The following RYR3 variants were observed in gnomAD, a reference collection of about 807,000 sequenced individuals.
RYR3 encodes brain ryanodine receptor-calcium release channel.
In RYR3, 207 loss-of-function variants were observed where a neutral mutation model predicts 584.3. That is an observed-to-expected ratio of 0.35 (90% CI 0.32 to 0.40). The LOEUF (loss-of-function observed/expected upper bound fraction) is 0.40. Among genes scored for constraint, RYR3 ranks in the 10% least tolerant of loss-of-function variants. The pLI, the probability that RYR3 is intolerant of heterozygous loss-of-function variation, is 1.00. For missense variants in RYR3, 5,616 were observed against 6,089.2 expected, an observed-to-expected ratio of 0.92 and a Z score of 2.59; for synonymous variants, 2,416 against 2,248.5, an observed-to-expected ratio of 1.07 and a Z score of -2.11.
At chr15:33,421,846 GA>G in intron 1 of RYR3, among the ~76,000 whole-genome samples, 1 of 152,234 alleles carries the variant, frequency 6.6e-6, no homozygotes, top group African/African-American at 2.4e-5. Flanking sequence ...TGTAGAAGCA[GA>G]ACAAAGAAAA....
chr15:33,419,274 T>TA, intron 1 of RYR3, among the ~76,000 whole-genome samples: 1 of 152,242 alleles, frequency 6.6e-6, no homozygotes, highest in East Asian at 1.9e-4. Context: ...TTCTGCCTCT[T>TA]TTAGTAATAG....
chr15:33,813,713 T>C (rs2076664550), intron 74 of RYR3, 134 bp downstream of exon 74: 1 of 719,516 alleles, frequency 1.4e-6, no homozygotes, highest in East Asian at 2.7e-5. Flanking sequence ...TATTGCAGTC[T>C]GCATAGTATA....
chr15:33,826,324 C>A (rs2077378312), intron 83 of RYR3, 55 bp downstream of exon 83: 13 of 1,555,228 alleles, frequency 8.4e-6, no homozygotes, highest in Non-Finnish European at 1.2e-5. Context: ...TAGGAGATCT[C>A]ATTTAATTGC....
At chr15:33,631,044 T>A (rs1473724888) in intron 22 of RYR3, among the ~76,000 whole-genome samples, 166 bp from the exon 23 acceptor site, 2 of 152,188 alleles carry the variant, frequency 1.3e-5, no homozygotes, top group Non-Finnish European at 2.9e-5. Context: ...GACATATGGC[T>A]CACAAAGCCT....
Position 33,662,343 on chromosome 15 carries a change from G to A in RYR3, c.4813G>A (p.Gly1605Ser). The change falls in exon 35 of 104, where the codon GGT becomes AGT. Residue 1605 changes from glycine (G) to serine (S), a missense_variant. Gly to Ser is a moderately conservative substitution (Grantham distance 56, BLOSUM62 0). Around this residue, in one of 9 missense-constraint regions of RYR3, gnomAD observed 753 missense variants for 741.0 expected, o/e 1.02. Coordinates refer to ENST00000634891, the MANE Select transcript of RYR3 (RefSeq NM_001036.6). ...NKYLPGLLRS[G>S]FYDLLISIHL... is the part of the protein sequence containing the mutation. The stretch of plus-strand genomic sequence containing the variant: ...GTACCTCCCCGGCCTCCTTCGATCT[G>A]GTTTCTATGACCTGCTCATCAGCAT... 1 of 1,612,614 alleles carries A rather than the reference G, an allele frequency of 6.2e-7. No individual in the cohort carries two copies. Among genetic ancestry groups the A allele is most frequent in the Non-Finnish European group, 8.5e-7 (1 of 1,179,364 alleles).
At chr15:33,361,616 C>T (rs1198791457) in intron 1 of RYR3, among the ~76,000 whole-genome samples, 1 of 152,134 alleles carries the variant, frequency 6.6e-6, no homozygotes, top group Non-Finnish European at 1.5e-5. Context: ...AAAATAGGGG[C>T]TAAATAAGCA....
chr15:33,602,906 C>A (rs773424351), intron 17 of RYR3, among the ~76,000 whole-genome samples: 8 of 151,992 alleles, frequency 5.3e-5, no homozygotes, highest in Non-Finnish European at 1.2e-4. Flanking sequence ...CCACCATACC[C>A]AGCTAATTTT....
chr15:33,318,582 C>G (rs555669326), intron 1 of RYR3, among the ~76,000 whole-genome samples: 1 of 152,250 alleles, frequency 6.6e-6, no homozygotes, highest in African/African-American at 2.4e-5. Flanking sequence ...GCTTGGGGAA[C>G]CTTGAGTAGG....
At chr15:33,730,113 A>ATGAATAATCATTTG (rs1555429638) in intron 47 of RYR3, among the ~76,000 whole-genome samples, 1 of 151,170 alleles carries the variant, frequency 6.6e-6, no homozygotes, top group African/African-American at 2.4e-5. Flanking sequence ...ATGAATAATT[A>ATGAATAATCATTTG]TGAATAATTA....
chr15:33,662,492 G>A lies in RYR3; in HGVS notation c.4962G>A (p.Gly1654=). 6.2e-7 allele frequency: 1 copy of A among 1,614,042 alleles called. No individual in the cohort carries two copies. Among genetic ancestry groups the A allele is most frequent in the South Asian group, 1.1e-5 (1 of 91,084 alleles). ...PDESKRHGLP[G]VGLRTCLKPG... Reference sequence around the variant, plus strand: ...AGTCCAAGAGGCATGGACTGCCTGGGGTGGGCCTGAGAACATGTCTCAAGC... The same window carrying A: ...AGTCCAAGAGGCATGGACTGCCTGGAGTGGGCCTGAGAACATGTCTCAAGC... Residue 1654 remains glycine (G), a synonymous_variant, in exon 35 of 104, where the codon GGG becomes GGA. Transcript: ENST00000634891.
chr15:33,816,174 TTTTGTAAACAC>T (rs1397391776), intron 74 of RYR3, among the ~76,000 whole-genome samples: 1 of 152,206 alleles, frequency 6.6e-6, no homozygotes, highest in Non-Finnish European at 1.5e-5. Flanking sequence ...TGTCCTCACA[TTTTGTAAACAC>T]TTGGCTGCTT....
chr15:33,662,327 C>T lies in RYR3; in HGVS notation c.4797C>T (p.Pro1599=), dbSNP rs373312009. The T allele has an allele frequency of 1.8e-5, 29 of 1,611,814 alleles. No individual in the cohort carries two copies. The highest frequency in any genetic ancestry group is 5.3e-5 in the African/African-American group (4 of 74,910). ...LFYAIDNKYL[P]GLLRSGFYDL... Reference sequence around the variant, plus strand: ...ATGCCATTGACAACAAGTACCTCCCCGGCCTCCTTCGATCTGGTTTCTATG... The same window carrying T: ...ATGCCATTGACAACAAGTACCTCCCTGGCCTCCTTCGATCTGGTTTCTATG... The change falls in exon 35 of 104, where the codon CCC becomes CCT. Residue 1599 remains proline (P), a synonymous_variant. Coordinates refer to ENST00000634891, the MANE Select transcript of RYR3 (RefSeq NM_001036.6).
chr15:33,572,968 C>A (rs779894240), intron 12 of RYR3, among the ~76,000 whole-genome samples: 7 of 152,008 alleles, frequency 4.6e-5, no homozygotes, highest in South Asian at 4.2e-4. Context: ...CAGCGAAATT[C>A]TGTCTCAAAA....
At chr15:33,568,961 A>T (rs920903538) in intron 12 of RYR3, among the ~76,000 whole-genome samples, 2 of 152,188 alleles carry the variant, frequency 1.3e-5, no homozygotes, top group Admixed American at 6.5e-5. Context: ...TTCACTTAGC[A>T]TTATATTTTT....
intron 7 of RYR3, among the ~76,000 whole-genome samples, chr15:33,541,551 T>C (rs2055817813): frequency 6.6e-6 from 1 of 152,196 alleles, no homozygotes; most frequent in African/African-American, 2.4e-5. Flanking sequence ...TAATCAAATG[T>C]CAGTGACCTA....
chr15:33,794,334 T>TATA (rs1216564897), intron 67 of RYR3, among the ~76,000 whole-genome samples: 1 of 87,074 alleles, frequency 1.1e-5, no homozygotes, highest in Non-Finnish European at 2.4e-5. Context: ...TTTATATATG[T>TATA]TTATATATAT....
At position 33,623,966 on chromosome 15, in the gene RYR3, T is replaced by C. The variant is rs370927090; in HGVS notation, c.2517T>C (p.Gly839=). Residue 839 remains glycine, a synonymous_variant, in exon 20 of 104, where the codon GGT becomes GGC. Transcript: ENST00000634891. The part of the protein sequence containing the change: ...RDADGIRDLL[G]TTQFLSQASF... ...CTGATGGCATTAGAGATCTCTTGGG[T>C]ACCACCCAGTTCCTCTCCCAAGCCT... 3.7e-6 allele frequency: 6 copies of C among 1,613,878 alleles called. No homozygotes were observed. Among genetic ancestry groups the C allele is most frequent in the African/African-American group, 1.3e-5 (1 of 74,928 alleles).
At chr15:33,629,911 AT>A (rs1566821616) in intron 21 of RYR3, 28 bp from the exon 22 acceptor site, 2 of 1,350,392 alleles carry the variant, frequency 1.5e-6, no homozygotes, top group South Asian at 2.5e-5. Flanking sequence ...CAAAACTTAA[AT>A]CACATTCTTT....
At chr15:33,445,110 T>C (rs1446918427) in intron 1 of RYR3, among the ~76,000 whole-genome samples, 1 of 152,202 alleles carries the variant, frequency 6.6e-6, no homozygotes, top group Non-Finnish European at 1.5e-5. Flanking sequence ...ATTCCATTCT[T>C]GGCCAAGGCA....
Sources: allele counts gnomAD v4.1 joint callset (sites outside exome capture counted in the v4.1 genomes callset), GRCh38; gene constraint gnomAD v4.1.1; regional missense constraint gnomAD v4.1.1; transcripts MANE v1.5; gene names NCBI Gene and HGNC (gene_info 2026-07-23, HGNC 2026-07-21).